The following DIAPH2 variants were observed in gnomAD, a reference collection of about 807,000 sequenced individuals.
The protein encoded by DIAPH2 is protein diaphanous homolog 2.
Under a neutral mutation model 92.7 loss-of-function variants are expected in DIAPH2, and 35 were observed. The observed-to-expected ratio is 0.38, with a 90% confidence interval of 0.29 to 0.50. The LOEUF is 0.50. Among genes scored for constraint, DIAPH2 ranks in the 20% least tolerant of loss-of-function variants. DIAPH2 has a pLI of 0.94. For synonymous variants in DIAPH2, 301 were observed against 280.4 expected (o/e 1.07, Z -0.73); for missense variants, 701 against 819.5 (o/e 0.86, Z 1.77).
At chrX:97,394,579 G>C (rs901258545) in intron 25 of DIAPH2, among the ~76,000 whole-genome samples, 2 of 111,641 alleles carry the variant, frequency 1.8e-5, no homozygotes, top group African/African-American at 6.5e-5. Flanking sequence ...GACTTACCCA[G>C]GTCTTTGGAG....
At chrX:97,521,056 G>T (rs1429829246) in intron 26 of DIAPH2, among the ~76,000 whole-genome samples, 2 of 111,279 alleles carry the variant, frequency 1.8e-5, no homozygotes, top group Non-Finnish European at 3.8e-5. Flanking sequence ...AGTTGATTAG[G>T]TCATGAAGGC....
intron 4 of DIAPH2, among the ~76,000 whole-genome samples, chrX:96,787,713 CAG>C (rs1051219115): frequency 7.1e-5 from 5 of 70,291 alleles, no homozygotes; most frequent in East Asian, 5.3e-4. Flanking sequence ...TTTTTTGAGA[CAG>C]AGTCTCACTC....
intron 1 of DIAPH2, among the ~76,000 whole-genome samples, chrX:96,695,971 T>C (rs1187528965): frequency 8.9e-6 from 1 of 112,840 alleles, no homozygotes; most frequent in Non-Finnish European, 1.9e-5. Context: ...TTTTTCAAGA[T>C]GCCTACATTG....
chrX:97,363,860 T>C (rs1048320745), intron 24 of DIAPH2, among the ~76,000 whole-genome samples: 2 of 110,657 alleles, frequency 1.8e-5, no homozygotes, highest in Admixed American at 9.7e-5. Context: ...AGCATATTTT[T>C]AGTGCCAAAA....
At chrX:96,770,738 T>A (rs1256731133) in intron 4 of DIAPH2, among the ~76,000 whole-genome samples, 1 of 112,020 alleles carries the variant, frequency 8.9e-6, no homozygotes, top group South Asian at 3.7e-4. Context: ...ATATATAAAA[T>A]AGAAAAACTC....
At chrX:96,997,706 G>A (rs1199816848) in intron 17 of DIAPH2, among the ~76,000 whole-genome samples, 4 of 111,275 alleles carry the variant, frequency 3.6e-5, no homozygotes, top group Admixed American at 1.9e-4. Context: ...ACCTTAAGTC[G>A]TCATTGCCCT....
intron 4 of DIAPH2, among the ~76,000 whole-genome samples, chrX:96,809,286 T>C (rs2064654902): frequency 9.3e-6 from 1 of 107,917 alleles, no homozygotes; most frequent in African/African-American, 3.4e-5. Flanking sequence ...TAAATCAATA[T>C]GTTTGCAGAT....
chrX:96,686,305 A>G (rs2063770441), intron 1 of DIAPH2, among the ~76,000 whole-genome samples: 1 of 111,787 alleles, frequency 8.9e-6, no homozygotes, highest in African/African-American at 3.3e-5. Context: ...GTGATTAAAA[A>G]TTTAAGTAAA....
chrX:96,711,163 C>T (rs973086031), intron 1 of DIAPH2, among the ~76,000 whole-genome samples: 1 of 111,797 alleles, frequency 8.9e-6, no homozygotes, highest in Admixed American at 9.5e-5. Context: ...GTGCAAGTGT[C>T]CTTTTCATAT....
intron 17 of DIAPH2, among the ~76,000 whole-genome samples, chrX:97,054,238 A>G (rs2066540294): frequency 8.9e-6 from 1 of 112,321 alleles, no homozygotes; most frequent in Non-Finnish European, 1.9e-5. Flanking sequence ...AGTTTCTAAC[A>G]TGTATAATTT....
intron 24 of DIAPH2, among the ~76,000 whole-genome samples, chrX:97,353,315 G>A (rs1258580378): frequency 9.0e-6 from 1 of 110,576 alleles, no homozygotes; most frequent in Non-Finnish European, 1.9e-5. Context: ...AACCGTATAT[G>A]TTTCACCACC....
chrX:97,154,709 G>A (rs986434679), intron 22 of DIAPH2, among the ~76,000 whole-genome samples: 4 of 111,562 alleles, frequency 3.6e-5, no homozygotes, highest in African/African-American at 9.8e-5. Context: ...AACGCTATTC[G>A]TATGAGGAAC....
At chrX:96,771,022 G>A (rs2064335484) in intron 4 of DIAPH2, among the ~76,000 whole-genome samples, 1 of 111,287 alleles carries the variant, frequency 9.0e-6, no homozygotes, top group Admixed American at 9.6e-5. Flanking sequence ...GAACACTATC[G>A]TATCAGTTCC....
intron 22 of DIAPH2, among the ~76,000 whole-genome samples, chrX:97,158,998 A>G (rs1000845788): frequency 8.9e-6 from 1 of 112,556 alleles, no homozygotes; most frequent in Non-Finnish European, 1.9e-5. Context: ...TTTGAAAGGA[A>G]TATAGAGTTA....
intron 1 of DIAPH2, among the ~76,000 whole-genome samples, chrX:96,724,698 A>G (rs1308718641): frequency 2.7e-5 from 3 of 112,357 alleles, no homozygotes; most frequent in African/African-American, 9.7e-5. Context: ...TATTGATTAT[A>G]TAAAATACAT....
chrX:97,106,705 G>A (rs772193249), intron 20 of DIAPH2, among the ~76,000 whole-genome samples: 5 of 110,799 alleles, frequency 4.5e-5, no homozygotes, highest in Admixed American at 9.6e-5. Context: ...AGGCTGAGGC[G>A]GGTGGATCAC....
At chrX:97,130,678 T>C (rs1489947731) in intron 21 of DIAPH2, among the ~76,000 whole-genome samples, 2 of 111,420 alleles carry the variant, frequency 1.8e-5, no homozygotes, top group African/African-American at 6.5e-5. Flanking sequence ...AGATGGATAG[T>C]GGTGATGGTT....
intron 17 of DIAPH2, among the ~76,000 whole-genome samples, chrX:96,988,425 A>C (rs1406397633): frequency 9.1e-6 from 1 of 109,808 alleles, no homozygotes; most frequent in African/African-American, 3.3e-5. Context: ...TGGATGCAGT[A>C]CTTTTTTTTT....
At chrX:97,316,536 G>A (rs910883819) in intron 23 of DIAPH2, among the ~76,000 whole-genome samples, 11 of 107,115 alleles carry the variant, frequency 1.0e-4, no homozygotes, top group African/African-American at 3.7e-4. Flanking sequence ...CGCACCAGTA[G>A]TCCCAGCTAC....
Sources: allele counts gnomAD v4.1 joint callset (sites outside exome capture counted in the v4.1 genomes callset), GRCh38; gene constraint gnomAD v4.1.1; transcripts MANE v1.5; gene names NCBI Gene and HGNC (gene_info 2026-07-23, HGNC 2026-07-21).